The following TIAM1 variants were observed in gnomAD, a reference collection of about 807,000 sequenced individuals.
The protein encoded by TIAM1 is rho guanine nucleotide exchange factor TIAM1.
A neutral mutation model predicts 163.5 loss-of-function variants in TIAM1; 65 were observed. That is an observed-to-expected ratio of 0.40 (90% CI 0.33 to 0.49). TIAM1 has a LOEUF of 0.49. Ranked by LOEUF, TIAM1 falls within the 20% of genes least tolerant of loss-of-function variation. The pLI, the probability that TIAM1 is intolerant of heterozygous loss-of-function variation, is 0.77. For missense variants in TIAM1, 1,789 were observed against 2,044.7 expected (o/e 0.87, Z 2.41); for synonymous variants, 833 against 810.1 (o/e 1.03, Z -0.48).
chr21:31,507,054 C>T (rs1057094553), intron 1 of TIAM1, among the ~76,000 whole-genome samples: 4 of 151,914 alleles, frequency 2.6e-5, no homozygotes, highest in African/African-American at 4.8e-5. Flanking sequence ...CTGTTATGTG[C>T]GTGGGTATGC....
intron 2 of TIAM1, among the ~76,000 whole-genome samples, chr21:31,368,685 G>C (rs944387556): frequency 6.6e-6 from 1 of 152,152 alleles, no homozygotes; most frequent in Admixed American, 6.5e-5. Context: ...ACTTATATTT[G>C]TAAGAAGAAA....
chr21:31,394,603 G>A (rs1180042362), intron 2 of TIAM1, among the ~76,000 whole-genome samples: 1 of 152,054 alleles, frequency 6.6e-6, no homozygotes, highest in Non-Finnish European at 1.5e-5. Context: ...AGGAGTGAGA[G>A]AGGAAGGGGC....
intron 2 of TIAM1, among the ~76,000 whole-genome samples, chr21:31,432,756 A>C (rs2044086301): frequency 6.6e-6 from 1 of 152,196 alleles, no homozygotes; most frequent in Non-Finnish European, 1.5e-5. Flanking sequence ...TTGTGGATGA[A>C]ATAGAATGTG....
At position 31,186,993 on chromosome 21, in the gene TIAM1, T is replaced by C; in HGVS notation, c.2662+8A>G. ...GACAGACAGACCAGCCCTCCTTCAC[T>C]GACTTACCTTTCTTGGAAGCTAAAC... On this transcript the variant is annotated splice_region_variant and intron_variant, in intron 14 of 27. Coordinates refer to ENST00000541036, the MANE Select transcript of TIAM1 (RefSeq NM_001353694.2). 6.2e-7 allele frequency: 1 copy of C among 1,613,894 alleles called. No homozygotes were observed. The highest frequency in any genetic ancestry group is 8.5e-7 in the Non-Finnish European group (1 of 1,179,798).
At chr21:31,414,734 C>T (rs1042873403) in intron 2 of TIAM1, among the ~76,000 whole-genome samples, 3 of 152,190 alleles carry the variant, frequency 2.0e-5, no homozygotes, top group Non-Finnish European at 4.4e-5. Flanking sequence ...CTTCTGTTGC[C>T]ACTGGTGCAG....
intron 10 of TIAM1, among the ~76,000 whole-genome samples, chr21:31,210,615 GAGAA>G (rs776429877): frequency 4.4e-3 from 120 of 27,436 alleles, no homozygotes; most frequent in African/African-American, 6.9e-3. Context: ...GGAAGGAAGG[GAGAA>G]AGAAAGAAAG....
chr21:31,144,404 C>T (rs947285292), intron 20 of TIAM1, among the ~76,000 whole-genome samples: 1 of 152,250 alleles, frequency 6.6e-6, no homozygotes, highest in South Asian at 2.1e-4. Context: ...AAAGACTGCA[C>T]AGTTCACAGC....
intron 2 of TIAM1, among the ~76,000 whole-genome samples, chr21:31,442,838 A>G (rs538472181): frequency 5.4e-4 from 83 of 152,310 alleles, no homozygotes; most frequent in African/African-American, 1.8e-3. Context: ...TAACAAGCTC[A>G]TTAAGATTTA....
chr21:31,429,548 C>T (rs551797243), intron 2 of TIAM1, among the ~76,000 whole-genome samples: 4 of 152,272 alleles, frequency 2.6e-5, no homozygotes, highest in African/African-American at 9.6e-5. Context: ...CTAAGTGGGA[C>T]CTCATTTCCC....
intron 2 of TIAM1, among the ~76,000 whole-genome samples, chr21:31,388,260 A>ACACACACACC (rs1413732260): frequency 3.4e-5 from 1 of 29,522 alleles, no homozygotes; most frequent in Non-Finnish European, 7.0e-5. Flanking sequence ...CACACACACA[A>ACACACACACC]CCTCTTACGT....
At chr21:31,408,091 A>T (rs2077280319) in intron 2 of TIAM1, among the ~76,000 whole-genome samples, 1 of 152,232 alleles carries the variant, frequency 6.6e-6, no homozygotes, top group Non-Finnish European at 1.5e-5. Flanking sequence ...GCAGAAAACA[A>T]ATCCAAACTT....
intron 2 of TIAM1, among the ~76,000 whole-genome samples, chr21:31,315,032 G>A (rs910167103): frequency 2.6e-5 from 4 of 151,980 alleles, no homozygotes; most frequent in African/African-American, 9.7e-5. Context: ...GGTGAGAGTC[G>A]CCAAACCTCG....
chr21:31,474,351 T>G (rs2045860734), intron 1 of TIAM1, among the ~76,000 whole-genome samples: 1 of 152,180 alleles, frequency 6.6e-6, no homozygotes, highest in Non-Finnish European at 1.5e-5. Context: ...TCAGGACACC[T>G]GGATTCAAAT....
intron 2 of TIAM1, among the ~76,000 whole-genome samples, chr21:31,438,797 G>A (rs1241573666): frequency 1.3e-5 from 2 of 152,048 alleles, no homozygotes; most frequent in African/African-American, 4.8e-5. Context: ...TGCATTGTAG[G>A]ATGTTTGGCA....
Position 31,357,606 on chromosome 21 carries a change from T to C in TIAM1, c.-368-18184A>G, listed in dbSNP as rs149019287. Among the ~76,000 whole-genome samples, 426 of 152,282 alleles carry C rather than the reference T, an allele frequency of 2.8e-3. 1 individual carries two copies. The highest frequency in any genetic ancestry group is 8.3e-3 in the African/African-American group (345 of 41,562). On this transcript the variant is annotated intron_variant, in intron 2 of 28. Coordinates refer to the TIAM1 transcript ENST00000286827. Reference sequence around the variant, plus strand: ...CCTCCACATCATCAAATTATAACTATGAAAATTTGCTGCTTTCTCCCTCTC... The same window carrying C: ...CCTCCACATCATCAAATTATAACTACGAAAATTTGCTGCTTTCTCCCTCTC...
chr21:31,261,611 G>C (rs192766822), intron 4 of TIAM1, among the ~76,000 whole-genome samples: 116 of 152,282 alleles, frequency 7.6e-4, no homozygotes, highest in African/African-American at 2.6e-3. Context: ...TACTCAGGAG[G>C]CTGAGGCATG....
At chr21:31,202,274 G>C (rs188163964) in intron 12 of TIAM1, among the ~76,000 whole-genome samples, 7 of 152,090 alleles carry the variant, frequency 4.6e-5, no homozygotes, top group Middle Eastern at 3.4e-3. Context: ...AAGACTGGCC[G>C]TGCGCAGTGG....
intron 26 of TIAM1, among the ~76,000 whole-genome samples, chr21:31,125,897 C>A (rs1242428134): frequency 2.0e-5 from 3 of 152,196 alleles, no homozygotes; most frequent in African/African-American, 7.2e-5. Flanking sequence ...CTCTATAAGG[C>A]CTTAGGCTAA....
intron 1 of TIAM1, among the ~76,000 whole-genome samples, chr21:31,478,470 A>G (rs1015214044): frequency 2.6e-5 from 4 of 152,256 alleles, no homozygotes; most frequent in Admixed American, 2.0e-4. Flanking sequence ...TACTTTTCAC[A>G]AAAGTCACAT....
Sources: allele counts gnomAD v4.1 joint callset (sites outside exome capture counted in the v4.1 genomes callset), GRCh38; gene constraint gnomAD v4.1.1; transcripts MANE v1.5; gene names NCBI Gene and HGNC (gene_info 2026-07-23, HGNC 2026-07-21).